Variants in APBB3 observed in about 807,000 individuals in gnomAD.
APBB3 encodes the protein amyloid beta precursor protein binding family B member 3, also known as amyloid-beta A4 precursor protein-binding family B member 3.
A neutral mutation model predicts 61.5 loss-of-function variants in APBB3; 50 were observed. The observed-to-expected ratio is 0.81, with a 90% CI of 0.65 to 1.03. The LOEUF (loss-of-function observed/expected upper bound fraction) is 1.03. Among genes scored for constraint, APBB3 ranks in the 50% least tolerant of loss-of-function variants. The pLI is 0.00. For missense variants in APBB3, 550 were observed against 637.4 expected (o/e 0.86, Z 1.48); for synonymous variants, 235 against 233.0 (o/e 1.01, Z -0.08).
chr5:140,561,490 G>A lies in APBB3; in HGVS notation c.748-41C>T, dbSNP rs755423565. ...GCCAGCATGACCCACAGGGAGAGAG[G>A]GGAATTAGGGTAAAAGGGCCAATAC... On this transcript the variant is annotated intron_variant, in intron 8 of 12. Transcript: ENST00000357560. 15 of 1,613,776 alleles carry A rather than the reference G, an allele frequency of 9.3e-6. No homozygotes were observed. The Admixed American group carries it at 1.8e-4, about 20-fold the overall frequency.
In APBB3 at chr5:140,564,453, C is replaced by T; in HGVS notation, c.-208G>A. 1.7e-6 allele frequency: 1 copy of T among 597,986 alleles called. No individual in the cohort carries two copies. Among genetic ancestry groups the T allele is most frequent in the East Asian group, 2.9e-5 (1 of 34,496 alleles). The allele number at this position is 597,986 out of a possible 1,614,324, so 37.0% of individuals were successfully genotyped here. On this transcript the variant is annotated 5_prime_UTR_variant, in exon 1 of 13. Transcript: ENST00000357560. The surrounding 1 kb of genome is among the most constrained non-coding windows in gnomAD (Gnocchi z 5.0). ...CCGCACAGCCCGCCCAGGGGTGGTGCGTGTAAACGGGCGTCTGGATCCCCG... is the reference window on the plus strand; with the variant it reads ...CCGCACAGCCCGCCCAGGGGTGGTGTGTGTAAACGGGCGTCTGGATCCCCG...
chr5:140,558,379 G>A lies in APBB3; in HGVS notation c.*206C>T, dbSNP rs1194793621. On this transcript the variant is annotated 3_prime_UTR_variant, in exon 13 of 13. Transcript: ENST00000357560. Reference sequence around the variant, plus strand: ...CAAGGAACACAAGGACCCAAGGAAAGGGGAGCCAGGGTCCTACGTTGTGGT... The same window carrying A: ...CAAGGAACACAAGGACCCAAGGAAAAGGGAGCCAGGGTCCTACGTTGTGGT... The A allele has an allele frequency of 2.1e-5, 14 of 673,018 alleles. No homozygotes were observed. Among genetic ancestry groups the A allele is most frequent in the Non-Finnish European group, 3.2e-5 (12 of 378,902 alleles). 41.7% of individuals were successfully genotyped at this position (673,018 alleles called of 1,614,324 possible). A position where few individuals can be genotyped will look rare whatever the true frequency, so the allele number is the denominator to read the frequency against.
intron 5 of APBB3, 55 bp downstream of exon 5, chr5:140,562,298 C>T: frequency 2.5e-6 from 4 of 1,611,050 alleles, no homozygotes; most frequent in South Asian, 1.1e-5. Flanking sequence ...AATTCAGGGA[C>T]AGCTACCTCT....
intron 9 of APBB3, 120 bp downstream of exon 9, chr5:140,561,245 C>T: frequency 6.9e-7 from 1 of 1,455,988 alleles, no homozygotes. Flanking sequence ...GGCTTGGGAT[C>T]CCTGAGACCA....
chr5:140,560,807 G>A lies in APBB3; in HGVS notation c.917-53C>T. 6.5e-7 allele frequency: 1 copy of A among 1,538,158 alleles called. No individual in the cohort carries two copies. The highest frequency in any genetic ancestry group is 1.1e-5 in the South Asian group (1 of 89,252). On this transcript the variant is annotated intron_variant, in intron 10 of 12. Transcript: ENST00000357560. This position sits in a 1 kb window ranked among gnomAD's most constrained non-coding sequence, Gnocchi z 5.1. ...CAGTGTAAAAGAAAGAGTCTGCAGG[G>A]AGTGTCTAGCCCCCTCTCACTGATT...
Position 140,560,737 on chromosome 5 carries a change from C to T in APBB3, c.934G>A (p.Glu312Lys), listed in dbSNP as rs1225515121. Residue 312 changes from glutamate (E) to lysine (K), a missense_variant, in exon 11 of 13, where the codon GAG becomes AAG. By Grantham distance (56) the Glu-to-Lys change is moderately conservative. Around this residue, in one of 3 missense-constraint regions of APBB3, gnomAD observed 405 missense variants for 483.4 expected, o/e 0.84. Transcript: ENST00000357560. The surrounding 1 kb of genome is among the most constrained non-coding windows in gnomAD (Gnocchi z 5.1). ...TKAMGMDVLN[E>K]AIGTLTARGD... ...CTGGCGGTGAGGGTACCAATGGCCT[C>T]GTTCAGCACATCCATGCCTGGGGGA... 6.2e-7 allele frequency: 1 copy of T among 1,614,114 alleles called. No homozygotes were observed. Among genetic ancestry groups the T allele is most frequent in the Non-Finnish European group, 8.5e-7 (1 of 1,180,008 alleles).
rs1754892653 is a variant in APBB3, at chr5:140,560,385, G to A, written c.1152C>T (p.Ser384=). 6.2e-7 allele frequency: 1 copy of A among 1,614,216 alleles called. No individual in the cohort carries two copies. Among genetic ancestry groups the A allele is most frequent in the East Asian group, 2.2e-5 (1 of 44,892 alleles). ...GGCACCAGAAGGCTGCGCACTGGAA[G>A]CTCTGACGGCCCAGGTCAGCGATGA... ...FGLIADLGRQ[S]FQCAAFWCQP... Residue 384 remains serine (S), a synonymous_variant, in exon 12 of 13, where the codon AGC becomes AGT. Coordinates refer to ENST00000357560, the MANE Select transcript of APBB3 (RefSeq NM_133173.3). This position sits in a 1 kb window ranked among gnomAD's most constrained non-coding sequence, Gnocchi z 5.1.
Sources: gnomAD v4.1 joint callset for allele counts on GRCh38, gnomAD v4.1.1 for gene constraint, gnomAD v4.1.1 regional missense constraint, Gnocchi (gnomAD v3.1) non-coding constraint, MANE v1.5 for transcripts, NCBI Gene and HGNC (gene_info 2026-07-23, HGNC 2026-07-21) for gene names.